The following TMA7B variants were observed in gnomAD, a reference collection of about 807,000 sequenced individuals.
TMA7B encodes translation machinery associated 7 homolog B.
At chr22:39,961,107 G>A in the TMA7B span, among the ~76,000 whole-genome samples, 1 of 152,092 alleles carries the variant, frequency 6.6e-6, no homozygotes, top group African/African-American at 2.4e-5. Context: ...CACCACACCT[G>A]GCTAATATTT....
the TMA7B span, among the ~76,000 whole-genome samples, chr22:39,962,444 C>T: frequency 6.6e-6 from 1 of 151,818 alleles, no homozygotes; most frequent in African/African-American, 2.4e-5. Context: ...AAATTATTTA[C>T]ATATATTATA....
chr22:39,960,520 G>A, the TMA7B span: 2 of 223,076 alleles, frequency 9.0e-6, no homozygotes, highest in Non-Finnish European at 1.8e-5. Flanking sequence ...ATTTGTGGAA[G>A]GAAGGAGGGA....
chr22:39,964,142 T>C, the TMA7B span: 1 of 481,272 alleles, frequency 2.1e-6, no homozygotes. Context: ...TATAAATGTA[T>C]GTCTGTTTGA....
At chr22:39,960,691 C>T in the TMA7B span, 1 of 154,154 alleles carries the variant, frequency 6.5e-6, no homozygotes, top group Non-Finnish European at 1.4e-5. Flanking sequence ...TGGCACCTTT[C>T]TTTGCCCATC....
the TMA7B span, among the ~76,000 whole-genome samples, chr22:39,961,248 T>C: frequency 3.3e-5 from 5 of 152,020 alleles, no homozygotes; most frequent in African/African-American, 9.7e-5. Context: ...TGACCCACTG[T>C]GGGGAAGAGG....
At chr22:39,963,097 C>G in the TMA7B span, among the ~76,000 whole-genome samples, 5 of 152,326 alleles carry the variant, frequency 3.3e-5, no homozygotes, top group African/African-American at 1.2e-4. Context: ...TTACCGTAAT[C>G]CTTATCACGT....
chr22:39,964,245 A>C, the TMA7B span: 4 of 602,854 alleles, frequency 6.6e-6, no homozygotes, highest in East Asian at 1.1e-4. Context: ...CTAGATGGAT[A>C]AAATCCATTT....
the TMA7B span, chr22:39,964,475 A>C: frequency 3.9e-6 from 4 of 1,021,952 alleles, no homozygotes; most frequent in African/African-American, 6.3e-5. Flanking sequence ...CAGAAACAAA[A>C]AGAGGAGCAG....
At chr22:39,962,144 C>T in the TMA7B span, among the ~76,000 whole-genome samples, 69,032 of 152,110 alleles carry the variant, frequency 0.45, 17,170 homozygotes, top group Middle Eastern at 0.59. Flanking sequence ...AAGTCAGGGT[C>T]GGGCGCCGTG....
the TMA7B span, chr22:39,960,526 AG>A: frequency 4.6e-6 from 1 of 217,078 alleles, no homozygotes; most frequent in East Asian, 9.8e-5. Context: ...GGAAGGAAGG[AG>A]GGATAGGAGG....
the TMA7B span, chr22:39,960,588 TTTC>T: frequency 7.2e-5 from 12 of 166,904 alleles, no homozygotes; most frequent in Admixed American, 5.1e-4. Context: ...ATCTTAACCT[TTTC>T]TTTTATGATT....
the TMA7B span, chr22:39,963,785 A>C: frequency 1.3e-5 from 2 of 152,632 alleles, no homozygotes; most frequent in Middle Eastern, 3.3e-3. Context: ...TGGGAGGCTG[A>C]GGTGGGCGGA....
the TMA7B span, chr22:39,960,430 T>A: frequency 1.1e-5 from 5 of 442,166 alleles, no homozygotes; most frequent in East Asian, 1.8e-4. Context: ...CCCAGGTGCT[T>A]CTGGAAGGGC....
chr22:39,961,141 A>T, the TMA7B span, among the ~76,000 whole-genome samples: 2 of 151,948 alleles, frequency 1.3e-5, no homozygotes, highest in African/African-American at 4.8e-5. Context: ...CTTTGTAGAG[A>T]CTAGGTCTTA....
the TMA7B span, among the ~76,000 whole-genome samples, chr22:39,961,188 G>A: frequency 2.6e-5 from 4 of 151,970 alleles, no homozygotes; most frequent in Non-Finnish European, 5.9e-5. Flanking sequence ...TCCTGGCCTC[G>A]AGTAATCCTC....
At chr22:39,964,351 T>C in the TMA7B span, 1 of 710,538 alleles carries the variant, frequency 1.4e-6, no homozygotes, top group East Asian at 2.7e-5. Context: ...AGTGGCAGGG[T>C]CTGGGGAAGG....
chr22:39,963,572 T>C, the TMA7B span, among the ~76,000 whole-genome samples: 1 of 152,164 alleles, frequency 6.6e-6, no homozygotes, highest in Non-Finnish European at 1.5e-5. Context: ...GTGATTGCAA[T>C]ATGTTGATTA....
chr22:39,963,322 C>G, the TMA7B span, among the ~76,000 whole-genome samples: 1 of 152,162 alleles, frequency 6.6e-6, no homozygotes, highest in Admixed American at 6.5e-5. Context: ...GCCATCCTCT[C>G]CTTGTAGACC....
At chr22:39,961,426 C>T in the TMA7B span, among the ~76,000 whole-genome samples, 9 of 152,270 alleles carry the variant, frequency 5.9e-5, no homozygotes, top group African/African-American at 1.9e-4. Flanking sequence ...TGAGCCCCAA[C>T]AAATACATGT....
Sources: allele counts gnomAD v4.1 joint callset (sites outside exome capture counted in the v4.1 genomes callset), GRCh38; gene constraint gnomAD v4.1.1; transcripts MANE v1.5; gene names NCBI Gene and HGNC (gene_info 2026-07-23, HGNC 2026-07-21).